Variants in GRIA2 observed in about 807,000 individuals in gnomAD.
GRIA2 encodes the protein glutamate ionotropic receptor AMPA type subunit 2, also known as glutamate receptor 2.
In GRIA2, 14 loss-of-function variants were observed where a neutral mutation model predicts 97.3. The ratio of observed to expected loss-of-function variants is 0.14; its 90% confidence interval spans 0.10 to 0.23. GRIA2 has a LOEUF of 0.23. GRIA2 is among the 10% of genes least tolerant of loss of function. The pLI is 1.00. For missense variants in GRIA2, 558 were observed against 1,069.8 expected (o/e 0.52, Z 6.67); for synonymous variants, 412 against 387.8 (o/e 1.06, Z -0.73).
At chr4:157,281,840 T>G (rs149343498) in intron 2 of GRIA2, among the ~76,000 whole-genome samples, 4 of 152,206 alleles carry the variant, frequency 2.6e-5, no homozygotes, top group African/African-American at 9.6e-5. Flanking sequence ...GTCCTAGCTT[T>G]TTTATGTATC....
chr4:157,312,486 ATGAGTTT>A (rs1560760443), intron 3 of GRIA2, among the ~76,000 whole-genome samples, 186 bp from the exon 4 acceptor site: 1 of 152,126 alleles, frequency 6.6e-6, no homozygotes, highest in Admixed American at 6.5e-5. Flanking sequence ...TATTTAGGTA[ATGAGTTT>A]TTGATGTGAA....
At chr4:157,243,328 A>G (rs185209058) in intron 2 of GRIA2, among the ~76,000 whole-genome samples, 115 of 152,208 alleles carry the variant, frequency 7.6e-4, no homozygotes, top group Admixed American at 3.1e-3. Context: ...TAGAAATCTG[A>G]TAGAGTTTAA....
chr4:157,336,209 T>C (rs1318225487), intron 10 of GRIA2, among the ~76,000 whole-genome samples, 168 bp from the exon 11 acceptor site: 1 of 151,996 alleles, frequency 6.6e-6, no homozygotes, highest in African/African-American at 2.4e-5. Context: ...AGGAGGGGCA[T>C]TCGGGGAATA....
intron 2 of GRIA2, among the ~76,000 whole-genome samples, chr4:157,263,283 A>G (rs771379578): frequency 5.3e-5 from 8 of 152,028 alleles, no homozygotes; most frequent in Non-Finnish European, 7.4e-5. Context: ...GCAGACACTA[A>G]TAGATTACTC....
intron 2 of GRIA2, among the ~76,000 whole-genome samples, chr4:157,268,607 C>T (rs559502863): frequency 1.6e-4 from 25 of 151,982 alleles, no homozygotes; most frequent in African/African-American, 5.5e-4. Flanking sequence ...AACTGAGCTG[C>T]ATACTTGTAT....
intron 2 of GRIA2, among the ~76,000 whole-genome samples, chr4:157,288,021 G>A (rs895035389): frequency 7.9e-5 from 12 of 151,632 alleles, no homozygotes; most frequent in African/African-American, 2.9e-4. Context: ...AACCTAGTGT[G>A]CTGTAAAAAT....
At chr4:157,262,483 T>C (rs1460231837) in intron 2 of GRIA2, among the ~76,000 whole-genome samples, 1 of 152,004 alleles carries the variant, frequency 6.6e-6, no homozygotes, top group African/African-American at 2.4e-5. Context: ...ACCAAACCAG[T>C]TATGAACTCC....
intron 2 of GRIA2, among the ~76,000 whole-genome samples, chr4:157,294,193 C>CTTT (rs59119203): frequency 8.3e-5 from 12 of 144,144 alleles, no homozygotes; most frequent in African/African-American, 3.0e-4. Context: ...AAAGTTCTGT[C>CTTT]TTTTTTTTTT....
At chr4:157,326,284 A>G (rs1002654850) in intron 6 of GRIA2, among the ~76,000 whole-genome samples, 1 of 152,214 alleles carries the variant, frequency 6.6e-6, no homozygotes, top group African/African-American at 2.4e-5. Context: ...CAATCTTGCC[A>G]CCATCAGGGT....
At chr4:157,243,478 T>C (rs1367378261) in intron 2 of GRIA2, among the ~76,000 whole-genome samples, 2 of 152,128 alleles carry the variant, frequency 1.3e-5, no homozygotes, top group Non-Finnish European at 2.9e-5. Flanking sequence ...TTCTCCCCAA[T>C]TCAAATTCAT....
intron 12 of GRIA2, among the ~76,000 whole-genome samples, chr4:157,352,126 T>C (rs1736034761): frequency 6.6e-6 from 1 of 152,256 alleles, no homozygotes; most frequent in Non-Finnish European, 1.5e-5. Flanking sequence ...TGTAGATATT[T>C]ACTGGATTGC....
At chr4:157,259,957 A>C (rs2126765283) in intron 2 of GRIA2, among the ~76,000 whole-genome samples, 1 of 152,236 alleles carries the variant, frequency 6.6e-6, no homozygotes, top group East Asian at 1.9e-4. Context: ...CAATTCTGTC[A>C]GTTCAATCTC....
chr4:157,244,141 G>C (rs549883849), intron 2 of GRIA2, among the ~76,000 whole-genome samples: 2 of 152,092 alleles, frequency 1.3e-5, no homozygotes, highest in South Asian at 2.1e-4. Context: ...ATCCCTGGTA[G>C]AGGGAACTAA....
chr4:157,363,511 T>A lies in GRIA2; in HGVS notation c.*80T>A. Reference sequence around the variant, plus strand: ...AGTACTGGAGAAAATGGACGTGTTATGACTCCAGAATTTCCCAAAGCAGTG... The same window carrying A: ...AGTACTGGAGAAAATGGACGTGTTAAGACTCCAGAATTTCCCAAAGCAGTG... On this transcript the variant is annotated 3_prime_UTR_variant, in exon 16 of 16. Coordinates refer to ENST00000264426, the MANE Select transcript of GRIA2 (RefSeq NM_001083619.3). The A allele has an allele frequency of 8.1e-7, 1 of 1,239,160 alleles. No homozygotes were observed. The highest frequency in any genetic ancestry group is 1.5e-5 in the African/African-American group (1 of 64,594). The allele number at this position is 1,239,160 out of a possible 1,614,324, so 76.8% of individuals were successfully genotyped here.
intron 12 of GRIA2, among the ~76,000 whole-genome samples, chr4:157,354,655 T>C (rs899162045): frequency 2.0e-5 from 3 of 152,176 alleles, no homozygotes; most frequent in African/African-American, 7.2e-5. Flanking sequence ...ACTGGGTTCT[T>C]GCAGTCTCCC....
At chr4:157,326,184 T>G (rs1050344047) in intron 6 of GRIA2, among the ~76,000 whole-genome samples, 1 of 152,104 alleles carries the variant, frequency 6.6e-6, no homozygotes, top group Non-Finnish European at 1.5e-5. Flanking sequence ...CCCTTAAATA[T>G]TTGCATGGCT....
intron 1 of GRIA2, chr4:157,221,455 G>C: frequency 5.1e-6 from 3 of 588,492 alleles, no homozygotes. Flanking sequence ...AAGGTTTCTG[G>C]CCGCCTACCT....
intron 2 of GRIA2, among the ~76,000 whole-genome samples, chr4:157,256,601 C>T (rs888422185): frequency 2.0e-5 from 3 of 151,810 alleles, no homozygotes; most frequent in Non-Finnish European, 4.4e-5. Flanking sequence ...TAGGGAGCAA[C>T]TGGAACACAA....
In GRIA2 at chr4:157,361,466, T is replaced by G; in HGVS notation, c.2406+342T>G. The G allele has an allele frequency of 8.6e-7, 1 of 1,163,344 alleles. No homozygotes were observed. Among genetic ancestry groups the G allele is most frequent in the Non-Finnish European group, 1.3e-6 (1 of 786,092 alleles). 72.1% of individuals were successfully genotyped at this position (1,163,344 alleles called of 1,614,324 possible). On this transcript the variant is annotated intron_variant, in intron 14 of 15. Transcript: ENST00000264426. This position sits in a 1 kb window ranked among gnomAD's most constrained non-coding sequence, Gnocchi z 5.2. ...ATGACTATCGCTCTTACAAAGCTCTTGAATCAGTATTATGTAATGAATAAC... is the reference window on the plus strand; with the variant it reads ...ATGACTATCGCTCTTACAAAGCTCTGGAATCAGTATTATGTAATGAATAAC...
Sources: allele counts gnomAD v4.1 joint callset (sites outside exome capture counted in the v4.1 genomes callset), GRCh38; gene constraint gnomAD v4.1.1; non-coding constraint Gnocchi (gnomAD v3.1); transcripts MANE v1.5; gene names NCBI Gene and HGNC (gene_info 2026-07-23, HGNC 2026-07-21).